ELOVL7: variants seen among roughly 807,000 people sequenced by gnomAD.
The protein encoded by ELOVL7 is very long chain fatty acid elongase 7.
A neutral mutation model predicts 35.7 loss-of-function variants in ELOVL7; 27 were observed. That is an observed-to-expected ratio of 0.76 (90% CI 0.56 to 1.04). The LOEUF (loss-of-function observed/expected upper bound fraction) is 1.04. ELOVL7 is among the 50% of genes least tolerant of loss of function. The pLI, the probability that ELOVL7 is intolerant of heterozygous loss-of-function variation, is 0.00. For missense variants in ELOVL7, 327 were observed against 340.8 expected (o/e 0.96, Z 0.32); for synonymous variants, 113 against 114.6 (o/e 0.99, Z 0.09).
At chr5:60,755,191 T>C (rs1741465210) in intron 8 of ELOVL7, among the ~76,000 whole-genome samples, 1 of 152,258 alleles carries the variant, frequency 6.6e-6, no homozygotes, top group African/African-American at 2.4e-5. Flanking sequence ...ATGCACTACA[T>C]GTGGCCTATT....
intron 7 of ELOVL7, among the ~76,000 whole-genome samples, chr5:60,759,608 CT>C (rs11371606): frequency 3.2e-4 from 47 of 145,668 alleles, no homozygotes; most frequent in East Asian, 1.2e-3. Flanking sequence ...TGCCTATTTT[CT>C]TTTTTTTTTT....
In ELOVL7 at chr5:60,764,427, A is replaced by G; in HGVS notation, c.394-95T>C. On this transcript the variant is annotated intron_variant, in intron 6 of 8. Transcript: ENST00000508821. ...ATTGGCAAAGTGCAAAGTATTTCAT[A>G]TCATAATTTCCTCTAAAAGTGTTGC... The G allele has an allele frequency of 4.3e-6, 4 of 936,372 alleles. No homozygotes were observed. In the South Asian group the frequency reaches 6.1e-5, roughly 14 times the overall value. The allele number at this position is 936,372 out of a possible 1,614,324, so 58.0% of individuals were successfully genotyped here. A position where few individuals can be genotyped will look rare whatever the true frequency, so the allele number is the denominator to read the frequency against.
At chr5:60,771,160 T>C (rs976158768) in intron 4 of ELOVL7, among the ~76,000 whole-genome samples, 1 of 151,964 alleles carries the variant, frequency 6.6e-6, no homozygotes, top group African/African-American at 2.4e-5. Flanking sequence ...ATAGAGGAAG[T>C]TAATAAAAAA....
At chr5:60,838,915 C>A (rs1746989783) in intron 1 of ELOVL7, among the ~76,000 whole-genome samples, 1 of 151,842 alleles carries the variant, frequency 6.6e-6, no homozygotes, top group Non-Finnish European at 1.5e-5. Context: ...CCCAGCTACT[C>A]AGGAGGCTGA....
intron 7 of ELOVL7, among the ~76,000 whole-genome samples, chr5:60,761,172 T>C (rs1309752747): frequency 6.6e-6 from 1 of 152,142 alleles, no homozygotes; most frequent in Non-Finnish European, 1.5e-5. Context: ...TCAGAATGAA[T>C]TACGATTAGT....
intron 7 of ELOVL7, among the ~76,000 whole-genome samples, chr5:60,762,593 T>C (rs1018971247): frequency 2.6e-5 from 4 of 152,178 alleles, no homozygotes; most frequent in African/African-American, 7.2e-5. Flanking sequence ...TTTTGGGATA[T>C]TGCCTTCCAA....
intron 2 of ELOVL7, among the ~76,000 whole-genome samples, chr5:60,795,258 T>C (rs1744180192): frequency 6.6e-6 from 1 of 151,934 alleles, no homozygotes; most frequent in Non-Finnish European, 1.5e-5. Context: ...TAGCTGGACT[T>C]CCTAGGCCGA....
intron 8 of ELOVL7, among the ~76,000 whole-genome samples, chr5:60,755,035 C>T (rs1386291917): frequency 1.3e-5 from 2 of 152,132 alleles, no homozygotes; most frequent in Non-Finnish European, 2.9e-5. Flanking sequence ...CTATTCAGAA[C>T]CACAAAATTG....
intron 2 of ELOVL7, among the ~76,000 whole-genome samples, chr5:60,794,517 GGGAA>G (rs199544206): frequency 0.012 from 1,769 of 152,304 alleles, 30 homozygotes; most frequent in African/African-American, 0.038. Context: ...TGCTTGCAGT[GGGAA>G]GCACCAGACA....
intron 1 of ELOVL7, among the ~76,000 whole-genome samples, chr5:60,841,242 T>C (rs1747152596): frequency 6.6e-6 from 1 of 152,046 alleles, no homozygotes; most frequent in African/African-American, 2.4e-5. Flanking sequence ...GCCAGGCTGG[T>C]CTCAAACTCC....
At chr5:60,806,774 T>G (rs146880311) in intron 1 of ELOVL7, among the ~76,000 whole-genome samples, 1 of 152,134 alleles carries the variant, frequency 6.6e-6, no homozygotes, top group Non-Finnish European at 1.5e-5. Flanking sequence ...AGGCAGCCCC[T>G]CAGGGAACAC....
intron 1 of ELOVL7, among the ~76,000 whole-genome samples, chr5:60,806,200 C>T (rs1302002885): frequency 6.6e-6 from 1 of 152,158 alleles, no homozygotes; most frequent in African/African-American, 2.4e-5. Context: ...AGAGAACCAA[C>T]CCTAACAACA....
chr5:60,799,214 G>A lies in ELOVL7; in HGVS notation c.-69C>T, dbSNP rs1326040044. 6.6e-6 allele frequency: 1 copy of A among 152,066 alleles called. No homozygotes were observed. The highest frequency in any genetic ancestry group is 1.5e-5 in the Non-Finnish European group (1 of 68,010). The allele number at this position is 152,066 out of a possible 1,614,324, so 9.4% of individuals were successfully genotyped here. On this transcript the variant is annotated 5_prime_UTR_variant, in exon 2 of 9. Transcript: ENST00000508821. ...TGGGATGCCACAAAAGCAGTTCTAA[G>A]AGGGAAGTTTAAATGCCTATAATAG...
intron 2 of ELOVL7, among the ~76,000 whole-genome samples, chr5:60,797,205 G>A (rs928810597): frequency 1.3e-5 from 2 of 152,098 alleles, no homozygotes; most frequent in Non-Finnish European, 2.9e-5. Context: ...TGTGTATGCG[G>A]CAATATATAC....
chr5:60,783,656 C>T (rs1743393948), intron 3 of ELOVL7, among the ~76,000 whole-genome samples: 1 of 152,148 alleles, frequency 6.6e-6, no homozygotes, highest in South Asian at 2.1e-4. Flanking sequence ...TACTTGGTTC[C>T]TAAGCTCAAA....
intron 4 of ELOVL7, among the ~76,000 whole-genome samples, chr5:60,770,006 G>A (rs755277454): frequency 6.6e-5 from 10 of 150,998 alleles, no homozygotes; most frequent in South Asian, 4.2e-4. Context: ...AGCCAAGATC[G>A]TGCCACTGCA....
chr5:60,780,845 G>A (rs1479165288), intron 3 of ELOVL7, among the ~76,000 whole-genome samples: 1 of 152,074 alleles, frequency 6.6e-6, no homozygotes, highest in African/African-American at 2.4e-5. Flanking sequence ...TGGGAATTAT[G>A]GGAACTACAG....
chr5:60,787,452 A>G, intron 2 of ELOVL7, 21 bp from the exon 3 acceptor site: 1 of 1,324,710 alleles, frequency 7.5e-7, no homozygotes, highest in Non-Finnish European at 1.0e-6. Flanking sequence ...ATAAAACAGA[A>G]ATGAGTTTAT....
intron 5 of ELOVL7, among the ~76,000 whole-genome samples, chr5:60,767,303 G>A (rs757868610): frequency 2.8e-4 from 43 of 151,870 alleles, no homozygotes; most frequent in Non-Finnish European, 5.4e-4. Flanking sequence ...CGTGTTGCCC[G>A]GGCTGGTCTC....
Sources: allele counts gnomAD v4.1 joint callset (sites outside exome capture counted in the v4.1 genomes callset), GRCh38; gene constraint gnomAD v4.1.1; transcripts MANE v1.5; gene names NCBI Gene and HGNC (gene_info 2026-07-23, HGNC 2026-07-21).